Variants in MLF1 observed in about 807,000 individuals in gnomAD.
MLF1 encodes myeloid leukemia factor 1.
MLF1 carries 37 observed loss-of-function variants against 38.3 expected under a neutral mutation model. That is an observed-to-expected ratio of 0.96 (90% CI 0.74 to 1.27). The LOEUF is 1.27. Among genes scored for constraint, MLF1 ranks in the 50% most tolerant of loss-of-function variants. The pLI, the probability that MLF1 is intolerant of heterozygous loss-of-function variation, is 0.00. For synonymous variants in MLF1, 95 were observed against 106.5 expected (o/e 0.89, Z 0.66); for missense variants, 331 against 349.2 (o/e 0.95, Z 0.42).
intron 1 of MLF1, among the ~76,000 whole-genome samples, chr3:158,587,887 G>C (rs551263303): frequency 3.3e-4 from 51 of 152,370 alleles, no homozygotes; most frequent in Middle Eastern, 6.8e-3. Context: ...TGTAGTCCCA[G>C]CTGCTGGGGA....
chr3:158,576,815 G>C (rs1277693743), intron 1 of MLF1, among the ~76,000 whole-genome samples: 2 of 151,828 alleles, frequency 1.3e-5, no homozygotes, highest in Non-Finnish European at 2.9e-5. Context: ...TGGGATTACA[G>C]GCGCACACCA....
chr3:158,579,963 C>T (rs1168166160), intron 1 of MLF1, among the ~76,000 whole-genome samples: 1 of 152,102 alleles, frequency 6.6e-6, no homozygotes, highest in East Asian at 1.9e-4. Context: ...GGTATGAAAT[C>T]CTTTAACCTC....
At chr3:158,592,616 G>C in intron 2 of MLF1, 35 bp downstream of exon 2, 1 of 1,542,064 alleles carries the variant, frequency 6.5e-7, no homozygotes, top group Non-Finnish European at 8.8e-7. Flanking sequence ...TAGTGAGAAG[G>C]CCCTGTAGGA....
chr3:158,602,882 A>G lies in MLF1; in HGVS notation c.689A>G (p.Asn230Ser). Residue 230 changes from asparagine (N) to serine (S), a missense_variant, in exon 7 of 8, where the codon AAC becomes AGC. Asn to Ser is a conservative substitution (Grantham distance 46). Transcript: ENST00000466246. ...KYKPGRHNLG[N>S]TRMRSVGHEN... The stretch of plus-strand genomic sequence containing the variant: ...AAACCAGGACGACACAATCTAGGAA[A>G]CACTAGAATGAGAAGTGTTGGCCAT... The G allele has an allele frequency of 6.2e-7, 1 of 1,613,740 alleles. No homozygotes were observed. The highest frequency in any genetic ancestry group is 1.1e-5 in the South Asian group (1 of 91,058).
At chr3:158,594,263 T>C (rs1414449637) in intron 3 of MLF1, among the ~76,000 whole-genome samples, 1 of 152,052 alleles carries the variant, frequency 6.6e-6, no homozygotes, top group Non-Finnish European at 1.5e-5. Flanking sequence ...TCAATCCAAG[T>C]AGACTTCTTG....
rs1163789819 is a variant in MLF1 at position 158,598,125 on chromosome 3, T to A, written c.370T>A (p.Ser124Thr). Residue 124 changes from serine to threonine, a missense_variant, in exon 5 of 8, where the codon TCA (serine) becomes ACA (threonine). Physicochemically the swap from Ser to Thr is moderately conservative, Grantham distance 58. Coordinates refer to ENST00000466246, the MANE Select transcript of MLF1 (RefSeq NM_001369783.1). Reference sequence around the variant, plus strand: ...AAATGGACATTCATTTTGTTCTTCCTCAGTTATGACTTATTCCAAAATAGG... The same window carrying A: ...AAATGGACATTCATTTTGTTCTTCCACAGTTATGACTTATTCCAAAATAGG... ...DPNGHSFCSS[S>T]VMTYSKIGDE... 1.9e-6 allele frequency: 3 copies of A among 1,613,756 alleles called. No homozygotes were observed. The highest frequency in any genetic ancestry group is 3.3e-5 in the Admixed American group (2 of 59,968).
chr3:158,596,829 A>G (rs1321142720), intron 3 of MLF1, 33 bp from the exon 4 acceptor site: 8 of 1,404,844 alleles, frequency 5.7e-6, no homozygotes. Flanking sequence ...GTTGTTACCT[A>G]CAGTTAATAA....
At chr3:158,587,170 G>A (rs1002336047) in intron 1 of MLF1, among the ~76,000 whole-genome samples, 2 of 152,196 alleles carry the variant, frequency 1.3e-5, no homozygotes, top group African/African-American at 4.8e-5. Context: ...TATGTCTCAG[G>A]AATCTGTAAT....
chr3:158,579,253 A>T (rs1576646172), intron 1 of MLF1, among the ~76,000 whole-genome samples: 1 of 151,796 alleles, frequency 6.6e-6, no homozygotes, highest in South Asian at 2.1e-4. Flanking sequence ...GGTTAATTTT[A>T]AAAATATTAA....
chr3:158,597,865 C>T (rs768168379), intron 4 of MLF1, among the ~76,000 whole-genome samples: 11 of 152,012 alleles, frequency 7.2e-5, no homozygotes, highest in South Asian at 2.1e-4. Flanking sequence ...CTAAAATGGA[C>T]GACCGTTAGG....
chr3:158,575,122 G>C (rs1715234135), intron 1 of MLF1, among the ~76,000 whole-genome samples: 1 of 152,170 alleles, frequency 6.6e-6, no homozygotes, highest in Non-Finnish European at 1.5e-5. Context: ...CTCTTCCTCT[G>C]TGCTTAGGGT....
chr3:158,591,536 C>T (rs1718142704), intron 1 of MLF1, among the ~76,000 whole-genome samples: 1 of 151,990 alleles, frequency 6.6e-6, no homozygotes, highest in Admixed American at 6.6e-5. Context: ...GAAGGGTGAC[C>T]TAAGAAGAAT....
At chr3:158,597,107 C>T (rs1249199161) in intron 4 of MLF1, among the ~76,000 whole-genome samples, 162 bp downstream of exon 4, 1 of 151,758 alleles carries the variant, frequency 6.6e-6, no homozygotes, top group Non-Finnish European at 1.5e-5. Context: ...ATATTTGAAG[C>T]AAAAGTTTCA....
At chr3:158,589,976 G>A (rs185058323) in intron 1 of MLF1, among the ~76,000 whole-genome samples, 1 of 152,266 alleles carries the variant, frequency 6.6e-6, no homozygotes, top group East Asian at 1.9e-4. Context: ...GGCCCACTGG[G>A]ATAATCCAGG....
At chr3:158,574,505 TAAAAAAAA>T (rs758915813) in intron 1 of MLF1, among the ~76,000 whole-genome samples, 2 of 91,408 alleles carry the variant, frequency 2.2e-5, no homozygotes, top group African/African-American at 5.7e-5. Context: ...CCATCTGTAC[TAAAAAAAA>T]AAAAAAAAAA....
intron 6 of MLF1, among the ~76,000 whole-genome samples, chr3:158,600,727 A>G (rs1346973135): frequency 1.4e-5 from 2 of 146,196 alleles, no homozygotes; most frequent in Admixed American, 1.4e-4. Flanking sequence ...ATTGTAAATA[A>G]GCCATAATTT....
intron 1 of MLF1, among the ~76,000 whole-genome samples, chr3:158,590,266 A>G (rs1717925463): frequency 6.6e-6 from 1 of 152,220 alleles, no homozygotes; most frequent in Non-Finnish European, 1.5e-5. Flanking sequence ...TACAAAATAA[A>G]ACTACAATGA....
chr3:158,584,020 T>C (rs998431938), intron 1 of MLF1, among the ~76,000 whole-genome samples: 3 of 152,296 alleles, frequency 2.0e-5, no homozygotes, highest in African/African-American at 7.2e-5. Flanking sequence ...AGCAGATATA[T>C]GCTGGAGAGG....
At chr3:158,586,769 T>C (rs1717310545) in intron 1 of MLF1, among the ~76,000 whole-genome samples, 2 of 151,950 alleles carry the variant, frequency 1.3e-5, no homozygotes, top group South Asian at 2.1e-4. Context: ...TTAGTAGAAA[T>C]AGAGACATAA....
Sources: gnomAD v4.1 joint callset for allele counts (sites outside exome capture counted in the v4.1 genomes callset) on GRCh38, gnomAD v4.1.1 for gene constraint, MANE v1.5 for transcripts, NCBI Gene and HGNC (gene_info 2026-07-23, HGNC 2026-07-21) for gene names.